The following PDIA3 variants were observed in gnomAD, a reference collection of about 807,000 sequenced individuals.
PDIA3 encodes protein disulfide-isomerase A3.
A neutral mutation model predicts 56.9 loss-of-function variants in PDIA3; 16 were observed. The ratio of observed to expected loss-of-function variants is 0.28; its 90% CI spans 0.19 to 0.43. The LOEUF is 0.43. Ranked by LOEUF, PDIA3 falls within the 20% of genes least tolerant of loss-of-function variation. The pLI is 1.00. For synonymous variants in PDIA3, 192 were observed against 216.5 expected (o/e 0.89, Z 0.99); for missense variants, 485 against 621.3 (o/e 0.78, Z 2.33).
intron 7 of PDIA3, 85 bp downstream of exon 7, chr15:43,766,097 G>T (rs1044141222): frequency 9.0e-5 from 76 of 841,340 alleles, no homozygotes; most frequent in East Asian, 1.1e-4. Flanking sequence ...GGTTCCTTAA[G>T]AATCTGTAAA....
At chr15:43,747,872 TAGAGATGGCA>T (rs2086717243) in intron 1 of PDIA3, among the ~76,000 whole-genome samples, 1 of 152,222 alleles carries the variant, frequency 6.6e-6, no homozygotes, top group African/African-American at 2.4e-5. Flanking sequence ...AATGATGTGC[TAGAGATGGCA>T]AATTTTGTTT....
chr15:43,749,972 T>C (rs2086732991), intron 1 of PDIA3, among the ~76,000 whole-genome samples: 1 of 151,864 alleles, frequency 6.6e-6, no homozygotes, highest in Non-Finnish European at 1.5e-5. Context: ...GGGCTTTTTT[T>C]TTTTTAACCT....
chr15:43,767,769 C>CAAAAAAAAAAA (rs11294471), intron 8 of PDIA3, among the ~76,000 whole-genome samples: 3 of 73,468 alleles, frequency 4.1e-5, no homozygotes, highest in East Asian at 3.8e-4. Context: ...GACTCTGTCT[C>CAAAAAAAAAAA]AAAAAAAAAA....
At chr15:43,748,453 G>A (rs1189527799) in intron 1 of PDIA3, among the ~76,000 whole-genome samples, 8 of 152,162 alleles carry the variant, frequency 5.3e-5, no homozygotes, top group African/African-American at 1.9e-4. Context: ...ACTCCAGCCT[G>A]GGCAACAAGA....
intron 5 of PDIA3, among the ~76,000 whole-genome samples, chr15:43,763,413 C>A (rs1196030675): frequency 3.3e-5 from 5 of 152,160 alleles, no homozygotes; most frequent in Non-Finnish European, 5.9e-5. Context: ...CCACCACACC[C>A]TGCTAATTTT....
chr15:43,762,289 A>C (rs2086821084), intron 4 of PDIA3, among the ~76,000 whole-genome samples: 1 of 152,162 alleles, frequency 6.6e-6, no homozygotes. Flanking sequence ...AAGCGGGCGG[A>C]TCACCTGAGG....
intron 7 of PDIA3, 63 bp downstream of exon 7, chr15:43,766,075 A>G (rs903619298): frequency 3.5e-6 from 5 of 1,442,072 alleles, no homozygotes; most frequent in African/African-American, 2.8e-5. Context: ...AGTCCCTTCT[A>G]ACTATCTTGT....
chr15:43,764,691 C>T (rs573144070), intron 5 of PDIA3, among the ~76,000 whole-genome samples: 1 of 152,284 alleles, frequency 6.6e-6, no homozygotes, highest in East Asian at 1.9e-4. Context: ...TGGTCTCAAA[C>T]TCCTGACCTG....
At chr15:43,767,430 T>G (rs932340886) in intron 8 of PDIA3, among the ~76,000 whole-genome samples, 5 of 152,104 alleles carry the variant, frequency 3.3e-5, no homozygotes, top group African/African-American at 1.2e-4. Context: ...TTCTGAAAAC[T>G]AATGAAAGGA....
At chr15:43,762,953 A>G (rs2086825980) in intron 4 of PDIA3, 124 bp from the exon 5 acceptor site, 1 of 923,034 alleles carries the variant, frequency 1.1e-6, no homozygotes, top group Non-Finnish European at 1.6e-6. Flanking sequence ...AGTCATGGCA[A>G]AGCAGACCCA....
intron 9 of PDIA3, 126 bp downstream of exon 9, chr15:43,768,723 G>A (rs571035868): frequency 3.0e-6 from 2 of 656,020 alleles, no homozygotes; most frequent in Non-Finnish European, 5.3e-6. Context: ...TTACTCCCGA[G>A]TCATAAAATA....
In PDIA3 at chr15:43,770,277, G is replaced by A; in HGVS notation, c.1294G>A (p.Ala432Thr). The A allele has an allele frequency of 1.9e-6, 3 of 1,614,104 alleles. No individual in the cohort carries two copies. Among genetic ancestry groups the A allele is most frequent in the Non-Finnish European group, 2.5e-6 (3 of 1,179,980 alleles). Residue 432 changes from alanine (A) to threonine (T), a missense_variant, in exon 11 of 13, where the codon GCC becomes ACC. By Grantham distance (58) the Ala-to-Thr change is moderately conservative. Transcript: ENST00000300289. ...KLSKDPNIVI[A>T]KMDATANDVP... is the part of the protein sequence containing the mutation. ...CAGCAAAGACCCAAATATCGTCATA[G>A]CCAAGATGGATGCCACAGCCAATGA...
At chr15:43,766,134 T>TAAAA (rs34486889) in intron 7 of PDIA3, 122 bp downstream of exon 7, 19 of 337,744 alleles carry the variant, frequency 5.6e-5, no homozygotes, top group Non-Finnish European at 7.8e-5. Context: ...TAAGAAGAGG[T>TAAAA]AAAAAAAAAA....
intron 3 of PDIA3, among the ~76,000 whole-genome samples, chr15:43,757,875 G>C (rs1003250659): frequency 6.7e-6 from 1 of 150,076 alleles, no homozygotes; most frequent in Non-Finnish European, 1.5e-5. Flanking sequence ...ACACACAAAG[G>C]TATGTGTGTT....
chr15:43,746,974 A>G lies in PDIA3; in HGVS notation c.167+268A>G, dbSNP rs188153133. On this transcript the variant is annotated intron_variant, in intron 1 of 12. Coordinates refer to ENST00000300289, the MANE Select transcript of PDIA3 (RefSeq NM_005313.5). ...CTCTTGTGGCACTTCCTATTTGCAG[A>G]GGGTTTTGCCACCCCTTCCCCCAGT... is the stretch of plus-strand genomic sequence containing the variant. The G allele has an allele frequency of 3.0e-3, 1,641 of 540,286 alleles. 9 individuals carry two copies. The highest frequency in any genetic ancestry group is 4.5e-3 in the Non-Finnish European group (1,356 of 301,400). 33.5% of individuals were successfully genotyped at this position (540,286 alleles called of 1,614,324 possible). A position where few individuals can be genotyped will look rare whatever the true frequency, so the allele number is the denominator to read the frequency against.
rs1302252663 is a variant in PDIA3 at position 43,772,808 on chromosome 15, TTTA to T, written c.*1592_*1594del. 3 of 232,644 alleles carry T rather than the reference TTTA, an allele frequency of 1.3e-5. No homozygotes were observed. Among genetic ancestry groups the T allele is most frequent in the Non-Finnish European group, 2.5e-5 (3 of 121,284 alleles). 14.4% of individuals were successfully genotyped at this position (232,644 alleles called of 1,614,324 possible). ...TTGGTTTGTCTAATGTCCTCATTAT[TTTA>T]TCCTGAAGATGATGTCATTTCTCAG... is the stretch of plus-strand genomic sequence containing the variant. On this transcript the variant is annotated 3_prime_UTR_variant, in exon 13 of 13. Transcript: ENST00000300289.
chr15:43,763,603 T>C (rs2086830925), intron 5 of PDIA3, among the ~76,000 whole-genome samples: 1 of 152,146 alleles, frequency 6.6e-6, no homozygotes. Context: ...TTGAGTACTT[T>C]CAAGGCATTA....
At position 43,746,438 on chromosome 15, in the gene PDIA3, A is replaced by C. The variant is rs1013920952; in HGVS notation, c.-102A>C. 145 of 1,215,282 alleles carry C rather than the reference A, an allele frequency of 1.2e-4. No individual in the cohort carries two copies. Among genetic ancestry groups the C allele is most frequent in the Admixed American group, 2.6e-4 (8 of 30,362 alleles). 75.3% of individuals were successfully genotyped at this position (1,215,282 alleles called of 1,614,324 possible). On this transcript the variant is annotated 5_prime_UTR_variant, in exon 1 of 13. Coordinates refer to ENST00000300289, the MANE Select transcript of PDIA3 (RefSeq NM_005313.5). ...CTCCGGCTGCAGGTCCGCCTGGGCCAGACGCGCGAGCGCAAGCAGCGGGTT... is the reference window on the plus strand; with the variant it reads ...CTCCGGCTGCAGGTCCGCCTGGGCCCGACGCGCGAGCGCAAGCAGCGGGTT...
At chr15:43,766,221 A>G (rs1413009370) in intron 7 of PDIA3, among the ~76,000 whole-genome samples, 2 of 152,194 alleles carry the variant, frequency 1.3e-5, no homozygotes, top group Non-Finnish European at 1.5e-5. Context: ...TTGGCTTCCA[A>G]ATTGTCTACA....
Sources: allele counts gnomAD v4.1 joint callset (sites outside exome capture counted in the v4.1 genomes callset), GRCh38; gene constraint gnomAD v4.1.1; transcripts MANE v1.5; gene names NCBI Gene and HGNC (gene_info 2026-07-23, HGNC 2026-07-21).